The following APLP2 variants were observed in gnomAD, a reference collection of about 807,000 sequenced individuals.
APLP2 encodes amyloid beta precursor like protein 2.
APLP2 carries 53 observed loss-of-function variants against 89.9 expected under a neutral mutation model. The ratio of observed to expected loss-of-function variants is 0.59; its 90% CI spans 0.47 to 0.74. The LOEUF is 0.74. APLP2 is among the 30% of genes least tolerant of loss of function. The pLI is 0.00. For missense variants in APLP2, 973 were observed against 975.9 expected (o/e 1.00, Z 0.04); for synonymous variants, 372 against 348.6 (o/e 1.07, Z -0.75).
chr11:130,083,182 T>C (rs1943534117), intron 1 of APLP2, among the ~76,000 whole-genome samples: 1 of 151,896 alleles, frequency 6.6e-6, no homozygotes, highest in Non-Finnish European at 1.5e-5. Context: ...ATCACAGGCG[T>C]TGAGCCATCA....
chr11:130,069,968 C>A lies in APLP2; in HGVS notation c.-10C>A. ...CTTGAGAGCCGCGCGCTAGAGCGAC[C>A]CGGCGAGGGATGGCGGCCACCGGGA... On this transcript the variant is annotated 5_prime_UTR_variant, in exon 1 of 17. Transcript: ENST00000338167. 1 of 1,501,164 alleles carries A rather than the reference C, an allele frequency of 6.7e-7. No individual in the cohort carries two copies. The highest frequency in any genetic ancestry group is 8.9e-7 in the Non-Finnish European group (1 of 1,128,690). 93.0% of individuals were successfully genotyped at this position (1,501,164 alleles called of 1,614,324 possible).
intron 11 of APLP2, among the ~76,000 whole-genome samples, chr11:130,132,965 T>C (rs1951093455): frequency 6.7e-6 from 1 of 148,724 alleles, no homozygotes; most frequent in South Asian, 2.1e-4. Context: ...TTCGGCATTG[T>C]ACAAATTAGA....
At chr11:130,130,747 G>A (rs755746067) in intron 11 of APLP2, among the ~76,000 whole-genome samples, 18 of 152,336 alleles carry the variant, frequency 1.2e-4, no homozygotes, top group Middle Eastern at 3.4e-3. Flanking sequence ...GGGCCTTATA[G>A]TAACAACGCT....
chr11:130,116,620 G>A (rs975111359), intron 3 of APLP2, among the ~76,000 whole-genome samples: 5 of 151,836 alleles, frequency 3.3e-5, no homozygotes, highest in African/African-American at 9.7e-5. Context: ...ACAGGCATTC[G>A]CCACCACGCC....
intron 1 of APLP2, among the ~76,000 whole-genome samples, chr11:130,099,224 A>C (rs777983889): frequency 3.3e-5 from 5 of 151,980 alleles, no homozygotes; most frequent in Non-Finnish European, 7.4e-5. Context: ...TGACTTAGTG[A>C]GGGAGGCCAT....
chr11:130,091,291 G>A (rs1452394656), intron 1 of APLP2, among the ~76,000 whole-genome samples: 4 of 136,282 alleles, frequency 2.9e-5, no homozygotes, highest in Non-Finnish European at 1.6e-5. Flanking sequence ...CCTCCCTCCC[G>A]GACGGGGCGG....
At chr11:130,078,847 CTTAA>C (rs1942611905) in intron 1 of APLP2, among the ~76,000 whole-genome samples, 1 of 151,924 alleles carries the variant, frequency 6.6e-6, no homozygotes, top group African/African-American at 2.4e-5. Flanking sequence ...TCCACATTGT[CTTAA>C]TTATTATATA....
intron 1 of APLP2, chr11:130,070,600 G>C (rs2135266716): frequency 7.4e-7 from 1 of 1,352,114 alleles, no homozygotes; most frequent in Non-Finnish European, 9.5e-7. Context: ...CCCGGCCTTC[G>C]CGCGCGGCAG....
chr11:130,104,514 G>A (rs1313293514), intron 1 of APLP2, among the ~76,000 whole-genome samples: 4 of 152,034 alleles, frequency 2.6e-5, no homozygotes, highest in Non-Finnish European at 5.9e-5. Flanking sequence ...CACCGTGCCG[G>A]GCTTGGTATG....
intron 1 of APLP2, among the ~76,000 whole-genome samples, chr11:130,085,913 C>T (rs539333609): frequency 6.6e-6 from 1 of 152,308 alleles, no homozygotes; most frequent in Admixed American, 6.5e-5. Flanking sequence ...TTCCATTGTG[C>T]ATATATACCA....
At chr11:130,120,564 C>T in intron 3 of APLP2, 142 bp from the exon 4 acceptor site, 1 of 666,738 alleles carries the variant, frequency 1.5e-6, no homozygotes, top group Non-Finnish European at 2.7e-6. Flanking sequence ...TCCAGTCAGC[C>T]TTTGAAGGTA....
intron 1 of APLP2, among the ~76,000 whole-genome samples, chr11:130,099,881 G>A (rs998442641): frequency 6.6e-6 from 1 of 152,216 alleles, no homozygotes; most frequent in Non-Finnish European, 1.5e-5. Context: ...ATGCTAACGT[G>A]CTTGCTCTGC....
chr11:130,090,720 C>T (rs1449957699), intron 1 of APLP2, among the ~76,000 whole-genome samples: 1 of 152,246 alleles, frequency 6.6e-6, no homozygotes, highest in Admixed American at 6.5e-5. Flanking sequence ...ACCTTTCCTG[C>T]CCCTCCACTC....
At chr11:130,091,504 C>A (rs1945181512) in intron 1 of APLP2, among the ~76,000 whole-genome samples, 1 of 140,090 alleles carries the variant, frequency 7.1e-6, no homozygotes, top group African/African-American at 2.8e-5. Context: ...CTGACCCCCC[C>A]ACCTCCCTCC....
At chr11:130,091,112 C>T (rs1945006381) in intron 1 of APLP2, among the ~76,000 whole-genome samples, 2 of 143,612 alleles carry the variant, frequency 1.4e-5, no homozygotes, top group Admixed American at 6.7e-5. Flanking sequence ...ACCTCCCTCC[C>T]GGACGGGGCG....
At chr11:130,088,715 G>T (rs570230000) in intron 1 of APLP2, among the ~76,000 whole-genome samples, 29 of 152,010 alleles carry the variant, frequency 1.9e-4, no homozygotes, top group African/African-American at 7.0e-4. Flanking sequence ...AAAAACTTAA[G>T]TATCTCAGTC....
chr11:130,118,820 C>T (rs555343732), intron 3 of APLP2, among the ~76,000 whole-genome samples: 1 of 152,342 alleles, frequency 6.6e-6, no homozygotes, highest in South Asian at 2.1e-4. Flanking sequence ...ATGTCAGGCT[C>T]ACTTTCGCAA....
rs544583579 is a variant in APLP2, at chr11:130,105,527, T to C, written c.106-3902T>C. On this transcript the variant is annotated intron_variant, in intron 1 of 16. Transcript: ENST00000338167. The stretch of plus-strand genomic sequence containing the variant: ...CATGGTAGACCATATAATCTAACCC[T>C]CCTCCTCTACAAGTTTTAACTTAAG... Among the ~76,000 whole-genome samples, 5 of 152,286 alleles carry C rather than the reference T, an allele frequency of 3.3e-5. No individual in the cohort carries two copies. In the South Asian group the frequency reaches 8.3e-4, roughly 25 times the overall value.
At chr11:130,120,868 G>A in intron 4 of APLP2, 50 bp downstream of exon 4, 2 of 1,297,156 alleles carry the variant, frequency 1.5e-6, no homozygotes, top group Non-Finnish European at 2.2e-6. Context: ...TGTTAGGAGG[G>A]AAGTAGCACT....
Sources: gnomAD v4.1 joint callset for allele counts (sites outside exome capture counted in the v4.1 genomes callset) on GRCh38, gnomAD v4.1.1 for gene constraint, MANE v1.5 for transcripts, NCBI Gene and HGNC (gene_info 2026-07-23, HGNC 2026-07-21) for gene names.